Variants in DCDC2C observed in about 807,000 individuals in gnomAD.
DCDC2C encodes doublecortin domain containing 2C, also known as doublecortin domain-containing protein 2C.
DCDC2C carries 44 observed loss-of-function variants against 45.0 expected under a neutral mutation model. The ratio of observed to expected loss-of-function variants is 0.98; its 90% confidence interval spans 0.77 to 1.26. DCDC2C has a LOEUF of 1.26. Ranked by LOEUF, DCDC2C falls within the 50% of genes most tolerant of loss-of-function variation. The pLI, the probability that DCDC2C is intolerant of heterozygous loss-of-function variation, is 0.00. For synonymous variants in DCDC2C, 187 were observed against 178.8 expected (o/e 1.05, Z -0.37); for missense variants, 447 against 468.9 (o/e 0.95, Z 0.43).
Position 3,791,672 on chromosome 2 carries a change from C to T in DCDC2C, c.1065+6572C>T, listed in dbSNP as rs564039886. ...TGGACTTGGATTTGCTTCCCAGCTTCCCCGGGGGCCTGATGACCCTCACAC... is the reference window on the plus strand; with the variant it reads ...TGGACTTGGATTTGCTTCCCAGCTTTCCCGGGGGCCTGATGACCCTCACAC... On this transcript the variant is annotated intron_variant, in intron 10 of 10. Transcript: ENST00000399143. Among the ~76,000 whole-genome samples the T allele has an allele frequency of 1.5e-4, 23 of 152,298 alleles. No homozygotes were observed. The East Asian group carries it at 4.4e-3, about 29-fold the overall frequency.
In DCDC2C at chr2:3,730,835, C is replaced by T. The variant is rs557618091; in HGVS notation, c.416+3756C>T. 2.2e-4 allele frequency among the ~76,000 whole-genome samples: 33 copies of T among 152,318 alleles called. No individual in the cohort carries two copies. The South Asian group carries it at 6.6e-3, about 31-fold the overall frequency. ...AGTTTGCTGCTTACTCATATAGCCT[C>T]CAGTGGTATACTGAGTTGATCACGG... On this transcript the variant is annotated intron_variant, in intron 3 of 10. Coordinates refer to ENST00000399143, the MANE Select transcript of DCDC2C (RefSeq NM_001287444.2).
chr2:3,733,872 G>A lies in DCDC2C; in HGVS notation c.416+6793G>A, dbSNP rs553750461. ...GGTTGAATCATCCCACCAGGGGTCT[G>A]GGACCTTGAAGTGCGAGCCAGGGCT... On this transcript the variant is annotated intron_variant, in intron 3 of 10. Coordinates refer to ENST00000399143, the MANE Select transcript of DCDC2C (RefSeq NM_001287444.2). Among the ~76,000 whole-genome samples, 355 of 152,316 alleles carry A rather than the reference G, an allele frequency of 2.3e-3. 1 individual carries two copies. The highest frequency in any genetic ancestry group is 0.017 in the Middle Eastern group (5 of 294).
intron 10 of DCDC2C, among the ~76,000 whole-genome samples, chr2:3,794,516 TC>T (rs1670906579): frequency 6.7e-6 from 1 of 150,316 alleles, no homozygotes; most frequent in Non-Finnish European, 1.5e-5. Context: ...CCCTCCCCGC[TC>T]CCCCCACCCC....
intron 6 of DCDC2C, among the ~76,000 whole-genome samples, chr2:3,762,504 G>T (rs898404303): frequency 6.6e-6 from 1 of 152,176 alleles, no homozygotes; most frequent in African/African-American, 2.4e-5. Flanking sequence ...TTAGCTTCTG[G>T]GGAGGCCTCA....
intron 3 of DCDC2C, among the ~76,000 whole-genome samples, chr2:3,737,208 T>C (rs148934976): frequency 6.6e-6 from 1 of 152,148 alleles, no homozygotes; most frequent in Non-Finnish European, 1.5e-5. Flanking sequence ...GGTCCAGAGA[T>C]AGAGCTATTT....
chr2:3,823,650 G>C (rs1450863596), intron 10 of DCDC2C, among the ~76,000 whole-genome samples: 1 of 152,070 alleles, frequency 6.6e-6, no homozygotes. Flanking sequence ...ATTTATAAAG[G>C]ATATTTTCAT....
At chr2:3,782,453 C>A (rs921336151) in intron 9 of DCDC2C, among the ~76,000 whole-genome samples, 3 of 151,338 alleles carry the variant, frequency 2.0e-5, no homozygotes, top group African/African-American at 7.3e-5. Context: ...ATGTTATTAA[C>A]ATTGGAACAC....
intron 10 of DCDC2C, among the ~76,000 whole-genome samples, chr2:3,802,735 G>T (rs761021524): frequency 9.2e-5 from 14 of 152,146 alleles, no homozygotes; most frequent in Non-Finnish European, 1.8e-4. Flanking sequence ...GAGGGGTTAG[G>T]ATTTCAACAC....
chr2:3,727,042 A>G lies in DCDC2C; in HGVS notation c.379A>G (p.Lys127Glu), dbSNP rs1668709334. Residue 127 changes from lysine (K) to glutamate (E), a missense_variant, in exon 3 of 11, where the codon AAG (lysine) becomes GAG (glutamate). Lys to Glu is a moderately conservative substitution (Grantham distance 56). Coordinates refer to ENST00000399143, the MANE Select transcript of DCDC2C (RefSeq NM_001287444.2). Reference sequence around the variant, plus strand: ...GCATTGTGATATAAATGTGCCTTCCAAGTGGCAAACATATCATCGTATATC... The same window carrying G: ...GCATTGTGATATAAATGTGCCTTCCGAGTGGCAAACATATCATCGTATATC... ...VVHCDINVPSKWQTYHRISRH... is the reference protein window; with the variant it reads ...VVHCDINVPSEWQTYHRISRH... The G allele has an allele frequency of 2.6e-6, 4 of 1,550,378 alleles. No homozygotes were observed. The highest frequency in any genetic ancestry group is 2.0e-5 in the Admixed American group (1 of 50,984).
rs2148221470 is a variant in DCDC2C, at chr2:3,818,770, A to AG, written c.1066-28380dup. Among the ~76,000 whole-genome samples the AG allele has an allele frequency of 6.6e-6, 1 of 152,140 alleles. No homozygotes were observed. Among genetic ancestry groups the AG allele is most frequent in the South Asian group, 2.1e-4 (1 of 4,816 alleles). On this transcript the variant is annotated intron_variant, in intron 10 of 10. Coordinates refer to ENST00000399143, the MANE Select transcript of DCDC2C (RefSeq NM_001287444.2). The surrounding 1 kb of genome is among the most constrained non-coding windows in gnomAD (Gnocchi z 4.7). ...TTGTGGATTAAGGTGGGGAGATACA[A>AG]GGGGAGAATGTGAAGGAGGCTTTGA...
At position 3,778,823 on chromosome 2, in the gene DCDC2C, C is replaced by G; in HGVS notation, c.962C>G (p.Ala321Gly). Residue 321 changes from alanine to glycine, a missense_variant, in exon 9 of 11, where the codon GCT becomes GGT. Coordinates refer to ENST00000399143, the MANE Select transcript of DCDC2C (RefSeq NM_001287444.2). ...QLEVPVDQRQ[A>G]EIVKEDEEIH... ...GGTGTATTTTCTCCCCAGAGACAAG[C>G]TGAGATAGTTAAAGAAGATGAAGAG... The G allele has an allele frequency of 6.4e-7, 1 of 1,550,972 alleles. No homozygotes were observed. The highest frequency in any genetic ancestry group is 1.4e-5 in the African/African-American group (1 of 73,140).
chr2:3,808,451 G>T (rs1179018337), intron 10 of DCDC2C, among the ~76,000 whole-genome samples: 1 of 152,028 alleles, frequency 6.6e-6, no homozygotes, highest in East Asian at 1.9e-4. Context: ...GAGTGCAGTG[G>T]CGTGATCTTG....
chr2:3,736,477 T>C (rs1043472271), intron 3 of DCDC2C, among the ~76,000 whole-genome samples: 12 of 152,174 alleles, frequency 7.9e-5, no homozygotes, highest in African/African-American at 1.2e-4. Flanking sequence ...GGGTGACTTC[T>C]CCTGTTGAGT....
At chr2:3,800,557 G>T (rs1671088829) in intron 10 of DCDC2C, among the ~76,000 whole-genome samples, 1 of 152,188 alleles carries the variant, frequency 6.6e-6, no homozygotes, top group Non-Finnish European at 1.5e-5. Context: ...AAGTAAAGTA[G>T]TTCCATGAAA....
chr2:3,801,054 A>G (rs1671100460), intron 10 of DCDC2C, among the ~76,000 whole-genome samples: 1 of 152,242 alleles, frequency 6.6e-6, no homozygotes, highest in South Asian at 2.1e-4. Context: ...GAGGTTCTAT[A>G]GATCCCCCAG....
rs925847158 is a variant in DCDC2C at position 3,755,256 on chromosome 2, T to C, written c.726+622T>C. Among the ~76,000 whole-genome samples, 9 of 152,122 alleles carry C rather than the reference T, an allele frequency of 5.9e-5. No individual in the cohort carries two copies. In the East Asian group the frequency reaches 9.6e-4, roughly 16 times the overall value. ...GTGTATATGATGTGCATATGATGGGTACACGTGTGTACATGGATGCATGTG... is the reference window on the plus strand; with the variant it reads ...GTGTATATGATGTGCATATGATGGGCACACGTGTGTACATGGATGCATGTG... On this transcript the variant is annotated intron_variant, in intron 6 of 10. Transcript: ENST00000399143.
Position 3,767,747 on chromosome 2 carries a change from C to T in DCDC2C, c.727-7C>T, listed in dbSNP as rs564569592. ...AATGGACTTTCTCTTCTTCATTTGTCCTGTAGGTGGACTCCAAAGGAAAAG... is the reference window on the plus strand; with the variant it reads ...AATGGACTTTCTCTTCTTCATTTGTTCTGTAGGTGGACTCCAAAGGAAAAG... On this transcript the variant is annotated splice_region_variant and splice_polypyrimidine_tract_variant and intron_variant, in intron 6 of 10. Coordinates refer to ENST00000399143, the MANE Select transcript of DCDC2C (RefSeq NM_001287444.2). 1 of 1,550,272 alleles carries T rather than the reference C, an allele frequency of 6.5e-7. No individual in the cohort carries two copies. Among genetic ancestry groups the T allele is most frequent in the East Asian group, 2.4e-5 (1 of 40,842 alleles).
intron 10 of DCDC2C, among the ~76,000 whole-genome samples, chr2:3,819,515 T>C (rs564644326): frequency 1.2e-4 from 18 of 152,324 alleles, no homozygotes; most frequent in African/African-American, 4.1e-4. Flanking sequence ...ACCTTGAAGG[T>C]GAGGTTAATT....
Position 3,703,759 on chromosome 2 carries a change from C to T in DCDC2C, c.8C>T (p.Thr3Ile), listed in dbSNP as rs936583923. The T allele has an allele frequency of 8.1e-6, 10 of 1,232,548 alleles. No individual in the cohort carries two copies. Among genetic ancestry groups the T allele is most frequent in the East Asian group, 3.2e-5 (1 of 31,594 alleles). 76.4% of individuals were successfully genotyped at this position (1,232,548 alleles called of 1,614,324 possible). A position where few individuals can be genotyped will look rare whatever the true frequency, so the allele number is the denominator to read the frequency against. MG[T>I]RGPSAPVDTT... is the part of the protein sequence containing the mutation. Reference sequence around the variant, plus strand: ...GAGGAGCGGGGCGCGGCTATGGGAACCCGCGGGCCCTCCGCGCCGGTGGAC... The same window carrying T: ...GAGGAGCGGGGCGCGGCTATGGGAATCCGCGGGCCCTCCGCGCCGGTGGAC... Residue 3 changes from threonine to isoleucine, a missense_variant, in exon 1 of 11, where the codon ACC becomes ATC. Coordinates refer to ENST00000399143, the MANE Select transcript of DCDC2C (RefSeq NM_001287444.2). The surrounding 1 kb of genome is among the most constrained non-coding windows in gnomAD (Gnocchi z 4.4).
Sources: allele counts gnomAD v4.1 joint callset (sites outside exome capture counted in the v4.1 genomes callset), GRCh38; gene constraint gnomAD v4.1.1; non-coding constraint Gnocchi (gnomAD v3.1); transcripts MANE v1.5; gene names NCBI Gene and HGNC (gene_info 2026-07-23, HGNC 2026-07-21).